The following SLC4A10 variants were observed in gnomAD, a reference collection of about 807,000 sequenced individuals.
SLC4A10 encodes the protein solute carrier family 4 member 10, also known as sodium-driven chloride bicarbonate exchanger.
Under a neutral mutation model 137.7 loss-of-function variants are expected in SLC4A10, and 42 were observed. The observed-to-expected ratio is 0.30, with a 90% CI of 0.24 to 0.39. The LOEUF is 0.39. Ranked by LOEUF, SLC4A10 falls within the 10% of genes least tolerant of loss-of-function variation. The pLI, the probability that SLC4A10 is intolerant of heterozygous loss-of-function variation, is 1.00. For missense variants in SLC4A10, 925 were observed against 1,355.0 expected (o/e 0.68, Z 4.98); for synonymous variants, 474 against 464.1 (o/e 1.02, Z -0.27).
intron 2 of SLC4A10, among the ~76,000 whole-genome samples, chr2:161,772,636 A>G (rs1209898427): frequency 6.6e-6 from 1 of 151,902 alleles, no homozygotes; most frequent in Non-Finnish European, 1.5e-5. Flanking sequence ...GATTTCAATT[A>G]TGGGTAATTG....
intron 2 of SLC4A10, among the ~76,000 whole-genome samples, chr2:161,788,248 T>C (rs1287275552): frequency 6.6e-6 from 1 of 152,128 alleles, no homozygotes; most frequent in Non-Finnish European, 1.5e-5. Flanking sequence ...GTATTGGGCA[T>C]ATGAGCCAAC....
chr2:161,748,436 TTGTGTGTGTG>T (rs144251917), intron 1 of SLC4A10, among the ~76,000 whole-genome samples: 19 of 142,516 alleles, frequency 1.3e-4, no homozygotes, highest in Admixed American at 2.1e-4. Context: ...CATTTTGAGT[TTGTGTGTGTG>T]TGTGTGTGTG....
At chr2:161,769,677 C>T (rs2051326299) in intron 1 of SLC4A10, among the ~76,000 whole-genome samples, 2 of 151,858 alleles carry the variant, frequency 1.3e-5, no homozygotes, top group South Asian at 4.1e-4. Context: ...TGTTGTTTGA[C>T]ATTATTGATT....
At position 161,779,761 on chromosome 2, in the gene SLC4A10, C is replaced by T. The variant is rs1171900403; in HGVS notation, c.130+8707C>T. The stretch of plus-strand genomic sequence containing the variant: ...CTATTGGCCAAATTTTTTCCTGCCA[C>T]CTTTATTTGCATGGCCTTTGAGCTA... On this transcript the variant is annotated intron_variant, in intron 2 of 26. Coordinates refer to ENST00000446997, the MANE Select transcript of SLC4A10 (RefSeq NM_001178015.2). Among the ~76,000 whole-genome samples, 5 of 151,880 alleles carry T rather than the reference C, an allele frequency of 3.3e-5. No individual in the cohort carries two copies. In the East Asian group the frequency reaches 7.7e-4, roughly 24 times the overall value.
chr2:161,814,381 G>A (rs559781117), intron 3 of SLC4A10, among the ~76,000 whole-genome samples: 1 of 152,088 alleles, frequency 6.6e-6, no homozygotes, highest in Non-Finnish European at 1.5e-5. Context: ...ATTTCTCGAA[G>A]AACTTAAAAC....
intron 1 of SLC4A10, among the ~76,000 whole-genome samples, chr2:161,741,078 G>A (rs1348864395): frequency 6.6e-6 from 1 of 151,938 alleles, no homozygotes; most frequent in Non-Finnish European, 1.5e-5. Context: ...TTCAAGACCA[G>A]CCTGGACAAC....
chr2:161,895,070 C>G (rs991143417), intron 11 of SLC4A10, among the ~76,000 whole-genome samples: 3 of 141,400 alleles, frequency 2.1e-5, no homozygotes, highest in Non-Finnish European at 3.1e-5. Flanking sequence ...CCCCTCCCCC[C>G]ACTCCACAAC....
At chr2:161,960,912 T>C (rs186996210) in intron 21 of SLC4A10, among the ~76,000 whole-genome samples, 210 of 152,252 alleles carry the variant, frequency 1.4e-3, no homozygotes, top group African/African-American at 4.9e-3. Context: ...TATATTTCTA[T>C]TGATTTAAAC....
Position 161,818,843 on chromosome 2 carries a change from G to T in SLC4A10, c.277+14248G>T, listed in dbSNP as rs952198531. Among the ~76,000 whole-genome samples the T allele has an allele frequency of 3.3e-5, 5 of 152,132 alleles. 1 individual carries two copies. Among genetic ancestry groups the T allele is most frequent in the Non-Finnish European group, 5.9e-5 (4 of 68,032 alleles). ...GGGATGAAGGCCACTTGATCATGGT[G>T]GATAAGTTTTTGATGTGTTGCTGTA... On this transcript the variant is annotated intron_variant, in intron 3 of 26. Transcript: ENST00000446997.
At chr2:161,874,403 A>G (rs984063054) in intron 8 of SLC4A10, among the ~76,000 whole-genome samples, 2 of 152,146 alleles carry the variant, frequency 1.3e-5, no homozygotes, top group Admixed American at 6.5e-5. Flanking sequence ...GTGTATCTCC[A>G]TATCATGTTG....
intron 1 of SLC4A10, among the ~76,000 whole-genome samples, chr2:161,712,754 A>G (rs769609602): frequency 3.3e-5 from 5 of 151,878 alleles, no homozygotes; most frequent in Non-Finnish European, 5.9e-5. Context: ...TACATGCTTA[A>G]ATATGGCATT....
At chr2:161,867,182 G>A (rs907706528) in intron 6 of SLC4A10, among the ~76,000 whole-genome samples, 3 of 151,832 alleles carry the variant, frequency 2.0e-5, no homozygotes, top group African/African-American at 7.2e-5. Context: ...TATGTATTGT[G>A]CATAATATTT....
chr2:161,834,896 G>A (rs184513879), intron 3 of SLC4A10, among the ~76,000 whole-genome samples: 203 of 152,220 alleles, frequency 1.3e-3, no homozygotes, highest in Middle Eastern at 3.4e-3. Context: ...GAACCCCAAG[G>A]CCAACTAGCT....
intron 2 of SLC4A10, among the ~76,000 whole-genome samples, chr2:161,778,356 T>C (rs1207481765): frequency 1.3e-5 from 2 of 152,006 alleles, no homozygotes; most frequent in African/African-American, 2.4e-5. Flanking sequence ...TTTATGCCTT[T>C]TCTTATATAA....
At chr2:161,730,713 A>C (rs1053596854) in intron 1 of SLC4A10, among the ~76,000 whole-genome samples, 18 of 152,214 alleles carry the variant, frequency 1.2e-4, no homozygotes, top group African/African-American at 4.3e-4. Flanking sequence ...AGAAAGCATA[A>C]AAGTGTAATT....
chr2:161,709,352 C>T (rs1236402733), intron 1 of SLC4A10, among the ~76,000 whole-genome samples: 2 of 151,600 alleles, frequency 1.3e-5, no homozygotes, highest in Non-Finnish European at 3.0e-5. Context: ...TGAATAGAAT[C>T]ATCTTTGTCA....
chr2:161,759,819 T>C (rs1426585322), intron 1 of SLC4A10, among the ~76,000 whole-genome samples: 2 of 152,104 alleles, frequency 1.3e-5, no homozygotes, highest in Non-Finnish European at 2.9e-5. Flanking sequence ...GGTTGCCTTT[T>C]CATTTTGCTG....
chr2:161,973,204 T>C (rs1698848900), intron 23 of SLC4A10, among the ~76,000 whole-genome samples: 1 of 152,172 alleles, frequency 6.6e-6, no homozygotes, highest in East Asian at 1.9e-4. Context: ...TTATACATCT[T>C]AAAATTCCAT....
chr2:161,694,604 C>A (rs569582414), intron 1 of SLC4A10, among the ~76,000 whole-genome samples: 1 of 151,872 alleles, frequency 6.6e-6, no homozygotes, highest in South Asian at 2.1e-4. Context: ...AGTGGAGAAA[C>A]ACAAGGGCAT....
Sources: gnomAD v4.1 joint callset for allele counts (sites outside exome capture counted in the v4.1 genomes callset) on GRCh38, gnomAD v4.1.1 for gene constraint, MANE v1.5 for transcripts, NCBI Gene and HGNC (gene_info 2026-07-23, HGNC 2026-07-21) for gene names.